The following UGT2A2 variants were observed in gnomAD, a reference collection of about 807,000 sequenced individuals.
UGT2A2 encodes the protein UDP glucuronosyltransferase family 2 member A2.
A neutral mutation model predicts 50.7 loss-of-function variants in UGT2A2; 60 were observed. That is an observed-to-expected ratio of 1.18 (90% CI 0.96 to 1.47). The LOEUF (loss-of-function observed/expected upper bound fraction) is 1.47, where lower values mean the gene tolerates loss of function less well. UGT2A2 is among the 40% of genes most tolerant of loss of function. The pLI is 0.00. For synonymous variants in UGT2A2, 242 were observed against 214.6 expected, an observed-to-expected ratio of 1.13 and a Z score of -1.11; for missense variants, 762 against 634.0, an observed-to-expected ratio of 1.20 and a Z score of -2.17.
At chr4:69,612,402 T>A (rs1287904682) in intron 1 of UGT2A2, among the ~76,000 whole-genome samples, 1 of 151,954 alleles carries the variant, frequency 6.6e-6, no homozygotes, top group African/African-American at 2.4e-5. Context: ...AAAACTATTC[T>A]AAAATTTATA....
rs867501413 is a variant in UGT2A2 at position 69,596,176 on chromosome 4, G to C, written c.1023+74C>G. On this transcript the variant is annotated intron_variant, in intron 3 of 5. Transcript: ENST00000604629. Reference sequence around the variant, plus strand: ...TATAATGAGTTTTGATTTTCATATGGAAAGAACATTACTAGCTGCATTGTC... The same window carrying C: ...TATAATGAGTTTTGATTTTCATATGCAAAGAACATTACTAGCTGCATTGTC... The C allele has an allele frequency of 3.6e-6, 5 of 1,377,572 alleles. No homozygotes were observed. The African/African-American group carries it at 7.3e-5, about 20-fold the overall frequency. The allele number at this position is 1,377,572 out of a possible 1,614,324, so 85.3% of individuals were successfully genotyped here.
chr4:69,637,784 T>G (rs1469792952), intron 1 of UGT2A2, among the ~76,000 whole-genome samples: 1 of 152,168 alleles, frequency 6.6e-6, no homozygotes, highest in African/African-American at 2.4e-5. Flanking sequence ...TGCTTATTGT[T>G]GTATTCCTAC....
intron 1 of UGT2A2, among the ~76,000 whole-genome samples, chr4:69,616,007 A>G (rs1720358118): frequency 6.6e-6 from 1 of 152,036 alleles, no homozygotes; most frequent in Admixed American, 6.6e-5. Context: ...GAATCAACCT[A>G]TATGTGCATC....
In UGT2A2 at chr4:69,594,463, G is replaced by A. The variant is rs1437323278; in HGVS notation, c.1331+14C>T. 3 of 1,613,092 alleles carry A rather than the reference G, an allele frequency of 1.9e-6. No homozygotes were observed. Among genetic ancestry groups the A allele is most frequent in the East Asian group, 2.2e-5 (1 of 44,870 alleles). On this transcript the variant is annotated intron_variant, in intron 5 of 5. Coordinates refer to ENST00000604629, the MANE Select transcript of UGT2A2 (RefSeq NM_001105677.2). The stretch of plus-strand genomic sequence containing the variant: ...ATTAAAGTTAGGCAAGTTTTTAGGA[G>A]CCTTAGTACTTACGAAGGTTCATTA...
intron 5 of UGT2A2, among the ~76,000 whole-genome samples, chr4:69,590,903 A>G (rs1343410652): frequency 6.6e-6 from 1 of 152,208 alleles, no homozygotes; most frequent in East Asian, 1.9e-4. Context: ...TTAAATTACA[A>G]TGGTCTATTC....
At position 69,589,614 on chromosome 4, in the gene UGT2A2, G is replaced by C; in HGVS notation, c.1369C>G (p.His457Asp). ...TCCAGGGGCTTTACAGGTTGATCAT[G>C]GTGAATTCTTGATAACCTCATAGCA... is the stretch of plus-strand genomic sequence containing the variant. ...ENAMRLSRIH[H>D]DQPVKPLDRA... Residue 457 changes from histidine to aspartate, a missense_variant, in exon 6 of 6, where the codon CAT becomes GAT. His to Asp is a moderately conservative substitution (Grantham distance 81). Transcript: ENST00000604629. 6.2e-7 allele frequency: 1 copy of C among 1,613,760 alleles called. No homozygotes were observed. Among genetic ancestry groups the C allele is most frequent in the African/African-American group, 1.3e-5 (1 of 74,946 alleles).
intron 1 of UGT2A2, among the ~76,000 whole-genome samples, chr4:69,602,955 A>C (rs62306486): frequency 0.18 from 24,727 of 134,310 alleles, 5,946 homozygotes; most frequent in Non-Finnish European, 0.22. Context: ...GTAATCCCAG[A>C]TACTCTAGAG....
chr4:69,601,163 T>G (rs1356662867), intron 1 of UGT2A2, among the ~76,000 whole-genome samples: 4 of 152,154 alleles, frequency 2.6e-5, no homozygotes, highest in Non-Finnish European at 5.9e-5. Flanking sequence ...ACTCCCCATG[T>G]GGATTCTTCT....
At chr4:69,589,681 G>A (rs1165093909) in intron 5 of UGT2A2, 30 bp from the exon 6 acceptor site, 2 of 1,564,178 alleles carry the variant, frequency 1.3e-6, no homozygotes. Flanking sequence ...GCAGAAATTA[G>A]ACAATTTTTG....
At chr4:69,594,140 A>G (rs1228586251) in intron 5 of UGT2A2, among the ~76,000 whole-genome samples, 2 of 151,674 alleles carry the variant, frequency 1.3e-5, no homozygotes, top group African/African-American at 4.8e-5. Context: ...ATACCCGGCT[A>G]AATTTTTGTA....
At chr4:69,631,011 C>A (rs1195816082) in intron 1 of UGT2A2, among the ~76,000 whole-genome samples, 3 of 152,126 alleles carry the variant, frequency 2.0e-5, no homozygotes, top group African/African-American at 7.2e-5. Context: ...GATGTCCCAG[C>A]TCTCTAGATA....
At position 69,639,553 on chromosome 4, in the gene UGT2A2, C is replaced by G. The variant is rs963315167; in HGVS notation, c.88G>C (p.Gly30Arg). The change falls in exon 1 of 6, where the codon GGG (glycine) becomes CGG (arginine). Residue 30 changes from glycine to arginine, a missense_variant. By Grantham distance (125) the Gly-to-Arg change is moderately radical. Transcript: ENST00000604629. ...NLTLTEVVLS[G>R]NVLIWPTDGS... is the part of the protein sequence containing the mutation. ...TCTGTAGGCCAAATTAACACATTCC[C>G]ACTTAGAACAACTTCAGTCAGAGTC... The G allele has an allele frequency of 3.1e-6, 5 of 1,612,668 alleles. No individual in the cohort carries two copies. In the South Asian group the frequency reaches 5.5e-5, roughly 18 times the overall value.
chr4:69,623,309 CA>C (rs1720857736), intron 1 of UGT2A2, among the ~76,000 whole-genome samples: 1 of 151,718 alleles, frequency 6.6e-6, no homozygotes, highest in South Asian at 2.1e-4. Flanking sequence ...TACAATGTAA[CA>C]CTCTGTTTTG....
Position 69,599,327 on chromosome 4 carries a change from AT to A in UGT2A2, c.809del (p.Asp270ValfsTer85). On this transcript the variant is annotated frameshift_variant, in exon 2 of 6. Coordinates refer to ENST00000604629, the MANE Select transcript of UGT2A2 (RefSeq NM_001105677.2). LOFTEE classifies it high-confidence loss of function. ...GTAAGTATGGACGAGGAAATTCAAA[AT>A]CCCAATATGTTCGGATTAACCAAAT... Reference protein sequence around the residue: ...AEIWLIRTYWDFEFPRPYLPN... With the variant: ...AEIWLIRTYWXFEFPRPYLPN... 1 of 1,613,858 alleles carries A rather than the reference AT, an allele frequency of 6.2e-7. No homozygotes were observed. Among genetic ancestry groups the A allele is most frequent in the South Asian group, 1.1e-5 (1 of 91,050 alleles).
Position 69,619,079 on chromosome 4 carries a change from A to T in UGT2A2, c.743-19685T>A, listed in dbSNP as rs192125545. 9.9e-5 allele frequency among the ~76,000 whole-genome samples: 15 copies of T among 152,040 alleles called. No individual in the cohort carries two copies. The East Asian group carries it at 2.7e-3, about 27-fold the overall frequency. ...TAGGAATTTATTTATATCAGAAAAA[A>T]GTTTATCAATATTGATAGATACAAT... is the stretch of plus-strand genomic sequence containing the variant. On this transcript the variant is annotated intron_variant, in intron 1 of 5. Coordinates refer to ENST00000604629, the MANE Select transcript of UGT2A2 (RefSeq NM_001105677.2).
At chr4:69,612,931 A>C (rs1720154890) in intron 1 of UGT2A2, among the ~76,000 whole-genome samples, 1 of 151,048 alleles carries the variant, frequency 6.6e-6, no homozygotes, top group African/African-American at 2.4e-5. Flanking sequence ...CTATCCAGAG[A>C]GTACAAAGAC....
intron 1 of UGT2A2, chr4:69,635,853 G>C (rs750214520): frequency 1.5e-5 from 1 of 65,812 alleles, no homozygotes; most frequent in African/African-American, 5.0e-5. Context: ...AAAAAAAAGA[G>C]AGAGAGAGAG....
At chr4:69,618,766 C>T (rs1051159206) in intron 1 of UGT2A2, among the ~76,000 whole-genome samples, 2 of 151,748 alleles carry the variant, frequency 1.3e-5, no homozygotes, top group South Asian at 2.1e-4. Flanking sequence ...ACTCCAATAC[C>T]TTTATTGGTT....
chr4:69,598,780 C>A (rs1391448264), intron 2 of UGT2A2, among the ~76,000 whole-genome samples: 1 of 152,010 alleles, frequency 6.6e-6, no homozygotes, highest in Non-Finnish European at 1.5e-5. Flanking sequence ...AAGATTAAAA[C>A]CTAAGAGCCC....
Sources: gnomAD v4.1 joint callset for allele counts (sites outside exome capture counted in the v4.1 genomes callset) on GRCh38, gnomAD v4.1.1 for gene constraint, MANE v1.5 for transcripts, NCBI Gene and HGNC (gene_info 2026-07-23, HGNC 2026-07-21) for gene names.